Variants in CSMD1 observed in about 807,000 individuals in gnomAD.
CSMD1 encodes the protein CUB and Sushi multiple domains 1, also known as CUB and sushi domain-containing protein 1.
A neutral mutation model predicts 417.5 loss-of-function variants in CSMD1; 213 were observed. The observed-to-expected ratio is 0.51, with a 90% CI of 0.46 to 0.57. CSMD1 has a LOEUF of 0.57. Ranked by LOEUF, CSMD1 falls within the 20% of genes least tolerant of loss-of-function variation. The pLI, the probability that CSMD1 is intolerant of heterozygous loss-of-function variation, is 0.00. For synonymous variants in CSMD1, 2,862 were observed against 1,736.8 expected, an observed-to-expected ratio of 1.65 and a Z score of -16.11; for missense variants, 6,923 against 4,529.7, an observed-to-expected ratio of 1.53 and a Z score of -15.17.
At chr8:3,094,173 T>C (rs990951759) in intron 47 of CSMD1, among the ~76,000 whole-genome samples, 4 of 152,120 alleles carry the variant, frequency 2.6e-5, no homozygotes, top group African/African-American at 9.7e-5. Flanking sequence ...TGGTACAATC[T>C]CGGCTCTCTG....
chr8:2,936,522 T>A lies in CSMD1; in HGVS notation c.*2063A>T, dbSNP rs1308678423. 2.0e-5 allele frequency: 3 copies of A among 152,068 alleles called. No individual in the cohort carries two copies. The highest frequency in any genetic ancestry group is 7.2e-5 in the African/African-American group (3 of 41,392). 9.4% of individuals were successfully genotyped at this position (152,068 alleles called of 1,614,324 possible). ...CACGACTCCCGCTGACCTCGTCCCG[T>A]CTACTGTGAAACAGCAATGTAAGGA... On this transcript the variant is annotated 3_prime_UTR_variant, in exon 70 of 70. Coordinates refer to ENST00000635120, the MANE Select transcript of CSMD1 (RefSeq NM_033225.6).
chr8:3,430,825 A>T (rs182982496), intron 12 of CSMD1, among the ~76,000 whole-genome samples: 12 of 152,332 alleles, frequency 7.9e-5, no homozygotes, highest in Admixed American at 1.3e-4. Context: ...CAACAAAAAA[A>T]TTCAAAGAAG....
At chr8:4,204,747 C>T (rs960171558) in intron 3 of CSMD1, among the ~76,000 whole-genome samples, 2 of 152,120 alleles carry the variant, frequency 1.3e-5, no homozygotes, top group African/African-American at 4.8e-5. Context: ...CTCAACCTCC[C>T]AGCCTCAATC....
intron 3 of CSMD1, among the ~76,000 whole-genome samples, chr8:4,226,282 T>G (rs928619813): frequency 3.9e-5 from 6 of 152,198 alleles, no homozygotes; most frequent in Admixed American, 3.3e-4. Flanking sequence ...TTTGGGTATT[T>G]GGATAAAATA....
intron 6 of CSMD1, among the ~76,000 whole-genome samples, chr8:3,734,084 T>C (rs1796403038): frequency 6.6e-6 from 1 of 152,138 alleles, no homozygotes; most frequent in African/African-American, 2.4e-5. Flanking sequence ...TTAAGTGAAC[T>C]TCTTATCCTT....
At chr8:3,901,208 C>T (rs1209678635) in intron 5 of CSMD1, among the ~76,000 whole-genome samples, 1 of 152,094 alleles carries the variant, frequency 6.6e-6, no homozygotes, top group Non-Finnish European at 1.5e-5. Flanking sequence ...TCTTCCTGGC[C>T]AATAGTATTT....
chr8:4,139,114 C>CA (rs1803619382), intron 3 of CSMD1, among the ~76,000 whole-genome samples: 1 of 152,114 alleles, frequency 6.6e-6, no homozygotes, highest in East Asian at 1.9e-4. Context: ...CACATGAAGA[C>CA]CCCTGTGATT....
At chr8:3,943,875 G>T (rs546355648) in intron 5 of CSMD1, among the ~76,000 whole-genome samples, 1 of 152,086 alleles carries the variant, frequency 6.6e-6, no homozygotes, top group African/African-American at 2.4e-5. Flanking sequence ...AAACGAAAGA[G>T]ACATGGCAGC....
intron 1 of CSMD1, among the ~76,000 whole-genome samples, chr8:4,804,108 T>C (rs1249566832): frequency 6.6e-6 from 1 of 152,168 alleles, no homozygotes; most frequent in Non-Finnish European, 1.5e-5. Flanking sequence ...TAAAATTATT[T>C]CCACAATAAC....
chr8:3,790,729 T>A (rs890662340), intron 5 of CSMD1, among the ~76,000 whole-genome samples: 1 of 152,166 alleles, frequency 6.6e-6, no homozygotes, highest in African/African-American at 2.4e-5. Flanking sequence ...CACCCAAACT[T>A]CTCCATTTCA....
intron 5 of CSMD1, among the ~76,000 whole-genome samples, chr8:3,793,607 C>A (rs144837806): frequency 4.6e-5 from 7 of 152,200 alleles, no homozygotes; most frequent in Admixed American, 3.9e-4. Context: ...TTGCAGTAAA[C>A]CTTCCCAAAT....
chr8:3,407,528 CAGAT>C (rs912134462), intron 14 of CSMD1, among the ~76,000 whole-genome samples: 3 of 149,704 alleles, frequency 2.0e-5, no homozygotes, highest in Non-Finnish European at 4.4e-5. Flanking sequence ...TACAGATGGA[CAGAT>C]GGATGGATGA....
At chr8:4,797,363 G>A (rs1229883327) in intron 1 of CSMD1, among the ~76,000 whole-genome samples, 1 of 152,204 alleles carries the variant, frequency 6.6e-6, no homozygotes, top group Non-Finnish European at 1.5e-5. Context: ...GGGAGCATCT[G>A]TGAAAGAGTG....
intron 67 of CSMD1, 80 bp downstream of exon 67, chr8:2,950,151 C>G: frequency 3.2e-6 from 3 of 932,560 alleles, no homozygotes; most frequent in East Asian, 4.8e-5. Flanking sequence ...TCAGAAGCCT[C>G]CAATCCGTAG....
intron 23 of CSMD1, among the ~76,000 whole-genome samples, chr8:3,311,740 C>T (rs760887661): frequency 2.6e-5 from 4 of 152,098 alleles, no homozygotes; most frequent in Non-Finnish European, 4.4e-5. Flanking sequence ...GGGCTGTGTT[C>T]ATTTTGACAA....
At chr8:4,987,546 T>G (rs972556526) in intron 1 of CSMD1, among the ~76,000 whole-genome samples, 1 of 151,954 alleles carries the variant, frequency 6.6e-6, no homozygotes, top group African/African-American at 2.4e-5. Context: ...AGGTTGAAGC[T>G]CCCCAAAATA....
chr8:4,793,835 G>GA (rs35760193), intron 1 of CSMD1, among the ~76,000 whole-genome samples: 27,274 of 132,118 alleles, frequency 0.21, 3,061 homozygotes, highest in Non-Finnish European at 0.26. Context: ...CCCAGAATAG[G>GA]AAAAAAAAAA....
At chr8:4,914,485 G>A (rs957313756) in intron 1 of CSMD1, among the ~76,000 whole-genome samples, 2 of 151,774 alleles carry the variant, frequency 1.3e-5, no homozygotes, top group African/African-American at 2.4e-5. Context: ...GGCTGAGGCA[G>A]GAGAATGGCG....
At position 3,347,187 on chromosome 8, in the gene CSMD1, A is replaced by G. The variant is rs576204702; in HGVS notation, c.3474+805T>C. On this transcript the variant is annotated intron_variant, in intron 22 of 69. Coordinates refer to ENST00000635120, the MANE Select transcript of CSMD1 (RefSeq NM_033225.6). The stretch of plus-strand genomic sequence containing the variant: ...ATGTGGCCTGTGGGCCGCGGGTTGG[A>G]CAAGATAGTATTATAGCATTAGCTC... 4.6e-5 allele frequency among the ~76,000 whole-genome samples: 7 copies of G among 152,354 alleles called. No homozygotes were observed. The East Asian group carries it at 1.4e-3, about 29-fold the overall frequency.
Sources: gnomAD v4.1 joint callset for allele counts (sites outside exome capture counted in the v4.1 genomes callset) on GRCh38, gnomAD v4.1.1 for gene constraint, MANE v1.5 for transcripts, NCBI Gene and HGNC (gene_info 2026-07-23, HGNC 2026-07-21) for gene names.